The following PPM1G variants were observed in gnomAD, a reference collection of about 807,000 sequenced individuals.
The protein encoded by PPM1G is protein phosphatase, Mg2+/Mn2+ dependent 1G, also known as protein phosphatase 1G.
PPM1G carries 12 observed loss-of-function variants against 59.4 expected under a neutral mutation model. The ratio of observed to expected loss-of-function variants is 0.20; its 90% CI spans 0.13 to 0.33. PPM1G has a LOEUF of 0.33. Ranked by LOEUF, PPM1G falls within the 10% of genes least tolerant of loss-of-function variation. PPM1G has a pLI of 1.00. For synonymous variants in PPM1G, 245 were observed against 251.9 expected (o/e 0.97, Z 0.26); for missense variants, 392 against 681.3 (o/e 0.58, Z 4.73).
intron 1 of PPM1G, among the ~76,000 whole-genome samples, chr2:27,400,105 T>C (rs1435906285): frequency 1.3e-5 from 2 of 152,024 alleles, no homozygotes; most frequent in Non-Finnish European, 2.9e-5. Flanking sequence ...CCCTTAAAAA[T>C]ATTACGCTTG....
intron 1 of PPM1G, among the ~76,000 whole-genome samples, chr2:27,393,994 C>T (rs1683983761): frequency 1.3e-5 from 2 of 152,084 alleles, no homozygotes; most frequent in South Asian, 2.1e-4. Context: ...AATCTCCTGA[C>T]CTCGTGATCC....
rs1321574886 is a variant in PPM1G, at chr2:27,384,789, C to T, written c.709G>A (p.Ala237Thr). 2 of 1,614,236 alleles carry T rather than the reference C, an allele frequency of 1.2e-6. No individual in the cohort carries two copies. The highest frequency in any genetic ancestry group is 1.1e-5 in the South Asian group (1 of 91,086). Residue 237 changes from alanine (A) to threonine (T), a missense_variant, in exon 5 of 10, where the codon GCT (alanine) becomes ACT (threonine). Transcript: ENST00000344034. The surrounding 1 kb of genome is among the most constrained non-coding windows in gnomAD (Gnocchi z 4.8). Reference sequence around the variant, plus strand: ...GAGGCTGAAGAGCAGGAAGGCCCAGCCTCACCAGTGGGAATGCCAGGCTCA... The same window carrying T: ...GAGGCTGAAGAGCAGGAAGGCCCAGTCTCACCAGTGGGAATGCCAGGCTCA... ...VGEPGIPTGEAGPSCSSASDK... is the reference protein window; with the variant it reads ...VGEPGIPTGETGPSCSSASDK...
intron 1 of PPM1G, among the ~76,000 whole-genome samples, chr2:27,395,840 CAAAAAAA>C (rs1048753961): frequency 1.1e-4 from 6 of 57,118 alleles, no homozygotes; most frequent in South Asian, 5.3e-4. Flanking sequence ...AAGACCGTCT[CAAAAAAA>C]AAAAAAAAGA....
At chr2:27,387,254 C>T in intron 1 of PPM1G, 96 bp from the exon 2 acceptor site, 1 of 976,338 alleles carries the variant, frequency 1.0e-6, no homozygotes, top group South Asian at 1.4e-5. Context: ...CTTTCCCTGG[C>T]TGGCCTATAT....
At chr2:27,393,573 G>A (rs1431764483) in intron 1 of PPM1G, among the ~76,000 whole-genome samples, 2 of 152,104 alleles carry the variant, frequency 1.3e-5, no homozygotes, top group African/African-American at 2.4e-5. Flanking sequence ...GGCGAAGAAC[G>A]TCTCAACTTT....
intron 2 of PPM1G, 169 bp downstream of exon 2, chr2:27,386,920 A>G (rs1203412091): frequency 1.3e-5 from 8 of 596,312 alleles, no homozygotes; most frequent in Non-Finnish European, 2.4e-5. Flanking sequence ...AAACCAATAC[A>G]GTACCTACTG....
Position 27,384,245 on chromosome 2 carries a change from G to A in PPM1G, c.826-153C>T, listed in dbSNP as rs934431661. Reference sequence around the variant, plus strand: ...GTCATGAAAATTGGGGGGATGGAAAGGGCTAGCATGAGTACAACTGACATC... The same window carrying A: ...GTCATGAAAATTGGGGGGATGGAAAAGGCTAGCATGAGTACAACTGACATC... On this transcript the variant is annotated intron_variant, in intron 5 of 9. Coordinates refer to ENST00000344034, the MANE Select transcript of PPM1G (RefSeq NM_177983.3). This position sits in a 1 kb window ranked among gnomAD's most constrained non-coding sequence, Gnocchi z 4.8. Among the ~76,000 whole-genome samples the A allele has an allele frequency of 3.3e-5, 5 of 152,206 alleles. No homozygotes were observed. The highest frequency in any genetic ancestry group is 1.2e-4 in the African/African-American group (5 of 41,456).
intron 1 of PPM1G, among the ~76,000 whole-genome samples, chr2:27,407,783 T>C (rs780027684): frequency 1.3e-5 from 2 of 152,138 alleles, no homozygotes; most frequent in African/African-American, 2.4e-5. Context: ...GTGTGGTGGT[T>C]CATGCCTGTA....
Position 27,384,559 on chromosome 2 carries a change from G to T in PPM1G, c.825+114C>A. On this transcript the variant is annotated intron_variant, in intron 5 of 9. Transcript: ENST00000344034. This position sits in a 1 kb window ranked among gnomAD's most constrained non-coding sequence, Gnocchi z 4.8. Reference sequence around the variant, plus strand: ...AAGACTAAAGCTTAGAATACAGTGGGTCTTGGGGGATGATGTCAAAATAGG... The same window carrying T: ...AAGACTAAAGCTTAGAATACAGTGGTTCTTGGGGGATGATGTCAAAATAGG... The T allele has an allele frequency of 7.9e-7, 1 of 1,270,062 alleles. No individual in the cohort carries two copies. The highest frequency in any genetic ancestry group is 1.1e-6 in the Non-Finnish European group (1 of 919,396). 78.7% of individuals were successfully genotyped at this position (1,270,062 alleles called of 1,614,324 possible).
intron 1 of PPM1G, among the ~76,000 whole-genome samples, chr2:27,407,910 G>C (rs868158269): frequency 3.3e-5 from 5 of 152,200 alleles, no homozygotes; most frequent in Middle Eastern, 3.4e-3. Context: ...AGCCAGGCGT[G>C]GTGGCACATG....
Position 27,381,340 on chromosome 2 carries a change from A to G in PPM1G, c.*259T>C. 3 of 547,594 alleles carry G rather than the reference A, an allele frequency of 5.5e-6. No homozygotes were observed. Among genetic ancestry groups the G allele is most frequent in the South Asian group, 4.5e-5 (2 of 44,344 alleles). The allele number at this position is 547,594 out of a possible 1,614,324, so 33.9% of individuals were successfully genotyped here. On this transcript the variant is annotated 3_prime_UTR_variant, in exon 10 of 10. Coordinates refer to ENST00000344034, the MANE Select transcript of PPM1G (RefSeq NM_177983.3). ...TCACAGAGTAAAAACCAGAACCGCC[A>G]GTCCTTCCCTCCAACACAACAGAGC...
intron 1 of PPM1G, among the ~76,000 whole-genome samples, chr2:27,390,036 T>TTG (rs1683861281): frequency 1.3e-5 from 2 of 151,252 alleles, no homozygotes; most frequent in Middle Eastern, 3.4e-3. Context: ...CTTGTTTTCT[T>TTG]TTTTTTTTGA....
Position 27,382,678 on chromosome 2 carries a change from T to C in PPM1G, c.1202-73A>G. 1.3e-6 allele frequency: 2 copies of C among 1,561,374 alleles called. No individual in the cohort carries two copies. Among genetic ancestry groups the C allele is most frequent in the African/African-American group, 1.4e-5 (1 of 73,364 alleles). ...CTTGTGTTTGTGGCAGGTCAAACCTTGCCATTCATTTCCCTTCTTTACAAA... is the reference window on the plus strand; with the variant it reads ...CTTGTGTTTGTGGCAGGTCAAACCTCGCCATTCATTTCCCTTCTTTACAAA... On this transcript the variant is annotated intron_variant, in intron 7 of 9. Transcript: ENST00000344034. This position sits in a 1 kb window ranked among gnomAD's most constrained non-coding sequence, Gnocchi z 4.2.
In PPM1G at chr2:27,396,027, T is replaced by G. The variant is rs36057778; in HGVS notation, c.121-8869A>C. On this transcript the variant is annotated intron_variant, in intron 1 of 9. Coordinates refer to ENST00000344034, the MANE Select transcript of PPM1G (RefSeq NM_177983.3). Reference sequence around the variant, plus strand: ...GGCTCACGCCTGTAATCCCAGCACTTTGGGAGGCCAAGGCAGGTGGATAAT... The same window carrying G: ...GGCTCACGCCTGTAATCCCAGCACTGTGGGAGGCCAAGGCAGGTGGATAAT... Among the ~76,000 whole-genome samples the G allele has an allele frequency of 5.0e-3, 756 of 152,218 alleles. 2 individuals are homozygous for G. The highest frequency in any genetic ancestry group is 8.3e-3 in the Non-Finnish European group (567 of 68,002).
chr2:27,396,816 C>CCACAAAA (rs1684064208), intron 1 of PPM1G, among the ~76,000 whole-genome samples: 1 of 45,816 alleles, frequency 2.2e-5, no homozygotes, highest in Non-Finnish European at 3.8e-5. Context: ...ACTCCGTCTC[C>CCACAAAA]AACAAAAAAA....
At chr2:27,399,793 G>A (rs921315114) in intron 1 of PPM1G, among the ~76,000 whole-genome samples, 4 of 152,058 alleles carry the variant, frequency 2.6e-5, no homozygotes. Flanking sequence ...AATGTACGAC[G>A]GTACAGCAAC....
rs538578584 is a variant in PPM1G, at chr2:27,406,657, G to C, written c.120+2646C>G. 2.6e-5 allele frequency among the ~76,000 whole-genome samples: 4 copies of C among 152,220 alleles called. No homozygotes were observed. The East Asian group carries it at 7.7e-4, about 29-fold the overall frequency. On this transcript the variant is annotated intron_variant, in intron 1 of 9. Coordinates refer to ENST00000344034, the MANE Select transcript of PPM1G (RefSeq NM_177983.3). ...ATTGAGGAGAAACCAAAAATAAAGG[G>C]AAATGCCCTACAGAGAAGCAGCAAA...
At chr2:27,403,717 T>A (rs1192722755) in intron 1 of PPM1G, among the ~76,000 whole-genome samples, 1 of 151,552 alleles carries the variant, frequency 6.6e-6, no homozygotes, top group Non-Finnish European at 1.5e-5. Flanking sequence ...AGAAACCCCA[T>A]CTCTACTAAA....
At chr2:27,392,993 G>C in intron 1 of PPM1G, 1 of 1,521,430 alleles carries the variant, frequency 6.6e-7, no homozygotes, top group Non-Finnish European at 9.0e-7. Flanking sequence ...AGTTCCAGTA[G>C]TGACTGATTC....
Sources: allele counts gnomAD v4.1 joint callset (sites outside exome capture counted in the v4.1 genomes callset), GRCh38; gene constraint gnomAD v4.1.1; non-coding constraint Gnocchi (gnomAD v3.1); transcripts MANE v1.5; gene names NCBI Gene and HGNC (gene_info 2026-07-23, HGNC 2026-07-21).